The following RBMS3 variants were observed in gnomAD, a reference collection of about 807,000 sequenced individuals.
The protein encoded by RBMS3 is RNA-binding motif, single-stranded-interacting protein 3.
RBMS3 carries 27 observed loss-of-function variants against 66.8 expected under a neutral mutation model. The ratio of observed to expected loss-of-function variants is 0.40; its 90% confidence interval spans 0.30 to 0.56. The LOEUF (loss-of-function observed/expected upper bound fraction) is 0.56. RBMS3 is among the 20% of genes least tolerant of loss of function. RBMS3 has a pLI of 0.40. For synonymous variants in RBMS3, 188 were observed against 183.0 expected, an observed-to-expected ratio of 1.03 and a Z score of -0.22; for missense variants, 513 against 549.5, an observed-to-expected ratio of 0.93 and a Z score of 0.66.
chr3:29,411,757 T>C lies in RBMS3; in HGVS notation c.76-22986T>C, dbSNP rs183709190. Among the ~76,000 whole-genome samples, 29 of 152,340 alleles carry C rather than the reference T, an allele frequency of 1.9e-4. No individual in the cohort carries two copies. The East Asian group carries it at 5.2e-3, about 27-fold the overall frequency. On this transcript the variant is annotated intron_variant, in intron 1 of 14. Coordinates refer to ENST00000383767, the MANE Select transcript of RBMS3 (RefSeq NM_001003793.3). Reference sequence around the variant, plus strand: ...TCTACTAAAGTTGGTAGCTATTTGCTACAAATATATTGCTTTTCCAGCAAA... The same window carrying C: ...TCTACTAAAGTTGGTAGCTATTTGCCACAAATATATTGCTTTTCCAGCAAA...
At chr3:29,876,195 C>T (rs2059607468) in intron 7 of RBMS3, among the ~76,000 whole-genome samples, 1 of 152,044 alleles carries the variant, frequency 6.6e-6, no homozygotes, top group African/African-American at 2.4e-5. Context: ...TATTCTAATT[C>T]CTCCTAGGTT....
At chr3:29,977,572 T>A (rs1368952828) in intron 12 of RBMS3, among the ~76,000 whole-genome samples, 1 of 152,134 alleles carries the variant, frequency 6.6e-6, no homozygotes. Context: ...GTGTCTAGAC[T>A]TTTTGGAACA....
intron 1 of RBMS3, among the ~76,000 whole-genome samples, chr3:29,385,156 G>T (rs1345888142): frequency 6.6e-6 from 1 of 152,152 alleles, no homozygotes. Context: ...AAGATGATCA[G>T]AAAGCAAACC....
intron 5 of RBMS3, among the ~76,000 whole-genome samples, chr3:29,759,693 T>C (rs1005530649): frequency 2.1e-5 from 3 of 141,050 alleles, no homozygotes; most frequent in Non-Finnish European, 3.1e-5. Flanking sequence ...AAGATGGCTA[T>C]TCAAATATAG....
At chr3:29,967,426 G>T (rs1199149400) in intron 12 of RBMS3, among the ~76,000 whole-genome samples, 1 of 152,148 alleles carries the variant, frequency 6.6e-6, no homozygotes, top group African/African-American at 2.4e-5. Flanking sequence ...CTCCTGAGTA[G>T]CTTGGAATAC....
At chr3:29,331,461 C>G (rs775963811) in intron 1 of RBMS3, among the ~76,000 whole-genome samples, 1 of 152,130 alleles carries the variant, frequency 6.6e-6, no homozygotes, top group African/African-American at 2.4e-5. Flanking sequence ...AAAAAGTACT[C>G]TTGCTTGCCT....
intron 1 of RBMS3, among the ~76,000 whole-genome samples, chr3:29,422,866 GT>G (rs1394478137): frequency 2.0e-5 from 3 of 152,026 alleles, no homozygotes; most frequent in Non-Finnish European, 4.4e-5. Flanking sequence ...AAATTATTAT[GT>G]TTTATAGTTC....
intron 6 of RBMS3, among the ~76,000 whole-genome samples, chr3:29,791,427 C>T (rs1440699799): frequency 2.6e-5 from 4 of 152,142 alleles, no homozygotes; most frequent in Non-Finnish European, 5.9e-5. Context: ...ACAAAAGCAA[C>T]AAATGATAAA....
intron 2 of RBMS3, among the ~76,000 whole-genome samples, chr3:29,462,555 A>G (rs2042406608): frequency 6.6e-6 from 1 of 152,196 alleles, no homozygotes; most frequent in Non-Finnish European, 1.5e-5. Flanking sequence ...TGTTTCTTAA[A>G]TATCAGTTCT....
chr3:29,624,048 G>C (rs989674976), intron 4 of RBMS3, among the ~76,000 whole-genome samples: 1 of 152,116 alleles, frequency 6.6e-6, no homozygotes, highest in East Asian at 1.9e-4. Flanking sequence ...TAACATCCCA[G>C]GAGTTACACT....
intron 4 of RBMS3, among the ~76,000 whole-genome samples, chr3:29,689,084 TATATACCTATATAG>T (rs2051861215): frequency 6.6e-6 from 1 of 151,946 alleles, no homozygotes; most frequent in Admixed American, 6.6e-5. Context: ...TACCTATTTC[TATATACCTATATAG>T]AAATAGATAT....
intron 4 of RBMS3, 27 bp downstream of exon 4, chr3:29,587,232 T>TTTTG: frequency 1.5e-6 from 1 of 682,294 alleles, no homozygotes; most frequent in South Asian, 2.4e-5. Context: ...GGGGTGTTTT[T>TTTTG]TTTTTTTTTT....
At chr3:29,884,120 A>G (rs753207215) in intron 7 of RBMS3, 42 bp from the exon 8 acceptor site, 5 of 1,562,200 alleles carry the variant, frequency 3.2e-6, no homozygotes, top group Non-Finnish European at 3.5e-6. Context: ...CCACAATAAA[A>G]ACGTTAAGAT....
chr3:29,410,967 T>TAGA (rs1553647593), intron 1 of RBMS3, among the ~76,000 whole-genome samples: 2 of 135,942 alleles, frequency 1.5e-5, no homozygotes, highest in East Asian at 2.1e-4. Context: ...CCTTTCTTCT[T>TAGA]AAAAAAAAAA....
chr3:29,679,629 C>T (rs555114018), intron 4 of RBMS3, among the ~76,000 whole-genome samples: 2 of 152,016 alleles, frequency 1.3e-5, no homozygotes. Flanking sequence ...CTCACTTACT[C>T]TCATTAGCCG....
intron 14 of RBMS3, among the ~76,000 whole-genome samples, chr3:29,992,475 T>C (rs1488041865): frequency 6.6e-6 from 1 of 152,022 alleles, no homozygotes; most frequent in Non-Finnish European, 1.5e-5. Context: ...TAGTCCCACC[T>C]ACTCTGGGGT....
At chr3:29,871,107 G>A (rs1476641329) in intron 7 of RBMS3, among the ~76,000 whole-genome samples, 1 of 152,014 alleles carries the variant, frequency 6.6e-6, no homozygotes, top group Admixed American at 6.6e-5. Context: ...TCCTATATAA[G>A]CAATATTTAA....
intron 6 of RBMS3, among the ~76,000 whole-genome samples, chr3:29,774,321 G>A (rs1000181709): frequency 6.6e-6 from 1 of 152,012 alleles, no homozygotes; most frequent in African/African-American, 2.4e-5. Flanking sequence ...TTGATAAAGT[G>A]TGTGTAACAG....
chr3:29,481,997 T>A (rs1398477701), intron 2 of RBMS3, among the ~76,000 whole-genome samples: 1 of 152,184 alleles, frequency 6.6e-6, no homozygotes, highest in Non-Finnish European at 1.5e-5. Flanking sequence ...GAACAGGTGC[T>A]GAGGGGTTGA....
Sources: gnomAD v4.1 joint callset for allele counts (sites outside exome capture counted in the v4.1 genomes callset) on GRCh38, gnomAD v4.1.1 for gene constraint, MANE v1.5 for transcripts, NCBI Gene and HGNC (gene_info 2026-07-23, HGNC 2026-07-21) for gene names.